MRPL34: variants seen among roughly 807,000 people sequenced by gnomAD.
MRPL34 encodes the protein large ribosomal subunit protein bL34m.
A neutral mutation model predicts 6.7 loss-of-function variants in MRPL34; 8 were observed. That is an observed-to-expected ratio of 1.20 (90% CI 0.70 to 2.16). The LOEUF is 2.16. Among genes scored for constraint, MRPL34 ranks in the 30% most tolerant of loss-of-function variants. MRPL34 has a pLI of 0.00. For synonymous variants in MRPL34, 59 were observed against 55.1 expected, an observed-to-expected ratio of 1.07 and a Z score of -0.31; for missense variants, 146 against 125.5, an observed-to-expected ratio of 1.16 and a Z score of -0.78.
chr19:17,295,954 T>TTCCAC (rs1354372892), intron 1 of MRPL34, among the ~76,000 whole-genome samples: 6 of 151,776 alleles, frequency 4.0e-5, no homozygotes, highest in African/African-American at 7.2e-5. Context: ...CAAGTGATCC[T>TTCCAC]CTGGCCTTAA....
upstream of MRPL34, among the ~76,000 whole-genome samples, chr19:17,304,776 G>C (rs180848335): frequency 5.5e-5 from 8 of 145,820 alleles, no homozygotes; most frequent in East Asian, 3.9e-4. Flanking sequence ...CAGCGGTTGA[G>C]AGAAGACGAC....
intron 1 of MRPL34, chr19:17,294,481 G>A: frequency 6.2e-7 from 1 of 1,614,138 alleles, no homozygotes; most frequent in Non-Finnish European, 8.5e-7. Flanking sequence ...CTTCTCCTTG[G>A]CTCCTTGGCG....
At chr19:17,300,462 C>G (rs1398622816), upstream of MRPL34, among the ~76,000 whole-genome samples, 1 of 151,876 alleles carries the variant, frequency 6.6e-6, no homozygotes, top group African/African-American at 2.4e-5. Context: ...CCGCCTTGGC[C>G]CCCGAAAGCA....
upstream of MRPL34, among the ~76,000 whole-genome samples, chr19:17,298,676 C>T (rs1346533351): frequency 6.6e-6 from 1 of 151,500 alleles, no homozygotes; most frequent in Non-Finnish European, 1.5e-5. Context: ...ATCCTATAGC[C>T]CCTCACAGAA....
upstream of MRPL34, among the ~76,000 whole-genome samples, chr19:17,298,768 T>G (rs925448006): frequency 4.6e-4 from 54 of 117,678 alleles, 1 homozygote; most frequent in Non-Finnish European, 2.0e-4. Flanking sequence ...TTGGGCAGAG[T>G]CTCACTCTGT....
upstream of MRPL34, chr19:17,303,060 A>C (rs1438311918): frequency 6.6e-6 from 1 of 152,020 alleles, no homozygotes; most frequent in African/African-American, 2.4e-5. Flanking sequence ...GCGCCACCCC[A>C]GCCCCGCTTC....
At chr19:17,296,030 C>T (rs751922834) in intron 1 of MRPL34, among the ~76,000 whole-genome samples, 7 of 151,960 alleles carry the variant, frequency 4.6e-5, no homozygotes, top group African/African-American at 7.3e-5. Context: ...GGTTCATGTC[C>T]TCCCCCTACC....
upstream of MRPL34, chr19:17,303,277 G>C (rs984951116): frequency 6.6e-6 from 1 of 152,306 alleles, no homozygotes; most frequent in African/African-American, 2.4e-5. Context: ...TCGGGGCGGA[G>C]GGGTCCCAGG....
intron 1 of MRPL34, among the ~76,000 whole-genome samples, chr19:17,295,254 C>T (rs948950707): frequency 2.2e-4 from 33 of 151,932 alleles, no homozygotes; most frequent in African/African-American, 7.7e-4. Flanking sequence ...TACAGGCGCC[C>T]GCCACCGCGC....
chr19:17,298,720 G>A (rs2074103763), upstream of MRPL34, among the ~76,000 whole-genome samples: 1 of 148,050 alleles, frequency 6.8e-6, no homozygotes, highest in African/African-American at 2.5e-5. Context: ...ATAGTGCTGG[G>A]ATTGAACAAC....
chr19:17,298,228 G>A (rs2074102260), upstream of MRPL34: 1 of 151,906 alleles, frequency 6.6e-6, no homozygotes, highest in Non-Finnish European at 1.5e-5. Context: ...TTTTTTTCTT[G>A]TCTAATTGCA....
chr19:17,292,709 G>A (rs566328369), exon 1 of MRPL34: 1 of 1,613,238 alleles, frequency 6.2e-7, no homozygotes, highest in South Asian at 1.1e-5. Flanking sequence ...GTAGAGCCTT[G>A]GGCGAGGGCT....
At chr19:17,302,463 A>T (rs1263232187), upstream of MRPL34, among the ~76,000 whole-genome samples, 1 of 152,208 alleles carries the variant, frequency 6.6e-6, no homozygotes, top group Non-Finnish European at 1.5e-5. Context: ...CATCTAAAAT[A>T]TGCAAATCTT....
chr19:17,299,233 G>GCCCC (rs2074106098), upstream of MRPL34, among the ~76,000 whole-genome samples: 7 of 56,010 alleles, frequency 1.2e-4, no homozygotes, highest in South Asian at 4.7e-4. Context: ...AACATAATGA[G>GCCCC]ACCCCCCCCC....
At chr19:17,293,460 GGGGCGGGGGT>G (rs71180384) in intron 1 of MRPL34, among the ~76,000 whole-genome samples, 63,571 of 139,500 alleles carry the variant, frequency 0.46, 15,166 homozygotes, top group Non-Finnish European at 0.51. Flanking sequence ...CTTTGCTGGG[GGGGCGGGGGT>G]GGGCGGGGAA....
chr19:17,306,052 C>T (rs980834883), intron 1 of MRPL34, 95 bp downstream of exon 1: 60 of 1,555,200 alleles, frequency 3.9e-5, no homozygotes, highest in Non-Finnish European at 7.0e-6. Flanking sequence ...CTGCCAGTGC[C>T]TTGCGCATTT....
chr19:17,293,024 A>G (rs887413192), intron 1 of MRPL34, among the ~76,000 whole-genome samples: 10 of 151,950 alleles, frequency 6.6e-5, no homozygotes, highest in Admixed American at 6.6e-4. Context: ...CCCAACTAGT[A>G]TTCAGGCATC....
chr19:17,294,691 C>T, intron 1 of MRPL34: 1 of 1,613,946 alleles, frequency 6.2e-7, no homozygotes, highest in Non-Finnish European at 8.5e-7. Context: ...AAGCTCCAGG[C>T]CAGGCAGGGC....
chr19:17,301,585 C>G (rs746966639), upstream of MRPL34: 3 of 1,582,160 alleles, frequency 1.9e-6, no homozygotes, highest in Admixed American at 1.7e-5. Context: ...CAGCAGGCAA[C>G]AGAAGATACC....
Sources: gnomAD v4.1 joint callset for allele counts (sites outside exome capture counted in the v4.1 genomes callset) on GRCh38, gnomAD v4.1.1 for gene constraint, MANE v1.5 for transcripts, NCBI Gene and HGNC (gene_info 2026-07-23, HGNC 2026-07-21) for gene names.